The following HMCN1 variants were observed in gnomAD, a reference collection of about 807,000 sequenced individuals.
HMCN1 encodes hemicentin 1.
Under a neutral mutation model 625.9 loss-of-function variants are expected in HMCN1, and 321 were observed. The observed-to-expected ratio is 0.51, with a 90% CI of 0.47 to 0.56. The LOEUF (loss-of-function observed/expected upper bound fraction) is 0.56, where lower values mean the gene tolerates loss of function less well. Among genes scored for constraint, HMCN1 ranks in the 20% least tolerant of loss-of-function variants. The pLI is 0.00. For missense variants in HMCN1, 6,588 were observed against 6,887.3 expected, an observed-to-expected ratio of 0.96 and a Z score of 1.54; for synonymous variants, 2,425 against 2,417.6, an observed-to-expected ratio of 1.00 and a Z score of -0.09.
intron 4 of HMCN1, among the ~76,000 whole-genome samples, chr1:185,876,168 G>A (rs1663916903): frequency 6.6e-6 from 1 of 152,008 alleles, no homozygotes; most frequent in Non-Finnish European, 1.5e-5. Flanking sequence ...TGCAGTGTTT[G>A]ATTTTCTGTT....
At chr1:185,870,613 A>C (rs1426658936) in intron 4 of HMCN1, among the ~76,000 whole-genome samples, 3 of 152,208 alleles carry the variant, frequency 2.0e-5, no homozygotes, top group South Asian at 4.2e-4. Flanking sequence ...GGGGTTCATG[A>C]GATGTTTTGA....
chr1:186,151,143 A>C, intron 93 of HMCN1, 57 bp from the exon 94 acceptor site: 1 of 1,571,674 alleles, frequency 6.4e-7, no homozygotes, highest in Non-Finnish European at 8.7e-7. Context: ...CTTTTCTCCC[A>C]TGTAATGTTG....
chr1:186,118,844 C>G (rs1297432901), intron 77 of HMCN1, among the ~76,000 whole-genome samples: 1 of 152,130 alleles, frequency 6.6e-6, no homozygotes, highest in Admixed American at 6.6e-5. Flanking sequence ...TGGGCTAAGG[C>G]CAGGGTTGTG....
chr1:186,120,178 A>C, intron 80 of HMCN1, 33 bp downstream of exon 80: 1 of 1,608,022 alleles, frequency 6.2e-7, no homozygotes, highest in Non-Finnish European at 8.5e-7. Flanking sequence ...TTTTCAATTC[A>C]AAGATGTTTG....
At chr1:185,830,639 C>A (rs563834254) in intron 1 of HMCN1, among the ~76,000 whole-genome samples, 1 of 152,104 alleles carries the variant, frequency 6.6e-6, no homozygotes, top group Non-Finnish European at 1.5e-5. Flanking sequence ...TTTGTGTAAC[C>A]CCAGCACTTT....
At chr1:185,854,546 C>T (rs1034140297) in intron 2 of HMCN1, among the ~76,000 whole-genome samples, 13 of 152,112 alleles carry the variant, frequency 8.5e-5, no homozygotes, top group African/African-American at 3.1e-4. Context: ...CTTTGGCAGG[C>T]ATATTACATT....
intron 1 of HMCN1, among the ~76,000 whole-genome samples, chr1:185,805,237 AAGTAC>A (rs1306160332): frequency 6.6e-6 from 1 of 152,194 alleles, no homozygotes; most frequent in East Asian, 1.9e-4. Context: ...TCACAGTTAT[AAGTAC>A]AGTAGAATTT....
chr1:185,986,670 T>C (rs1652015415), intron 19 of HMCN1, among the ~76,000 whole-genome samples: 1 of 151,900 alleles, frequency 6.6e-6, no homozygotes, highest in Non-Finnish European at 1.5e-5. Flanking sequence ...CTGAAAAATA[T>C]TGACTTAGAA....
At chr1:186,105,222 A>G (rs765495575) in intron 69 of HMCN1, among the ~76,000 whole-genome samples, 1 of 152,200 alleles carries the variant, frequency 6.6e-6, no homozygotes, top group African/African-American at 2.4e-5. Context: ...ATACAATTAG[A>G]TATGAGTCAA....
Position 186,136,680 on chromosome 1 carries a change from T to C in HMCN1, c.13325T>C (p.Ile4442Thr), listed in dbSNP as rs1208551954. The C allele has an allele frequency of 6.2e-7, 1 of 1,613,918 alleles. No homozygotes were observed. Among genetic ancestry groups the C allele is most frequent in the Non-Finnish European group, 8.5e-7 (1 of 1,179,862 alleles). Residue 4442 changes from isoleucine to threonine, a missense_variant, in exon 87 of 107, where the codon ATC (isoleucine) becomes ACC (threonine). By Grantham distance (89) the Ile-to-Thr change is moderately conservative. Around this residue, in one of 3 missense-constraint regions of HMCN1, gnomAD observed 1,954 missense variants for 2,013.1 expected, o/e 0.97. Transcript: ENST00000271588. ...CTTTTTTCCGTAGGTCCTCCTATTA[T>C]CACTCTTGAGCCAGTGGAAACTGTT... ...MSLTLQSPPI[I>T]TLEPVETVIN... is the part of the protein sequence containing the mutation.
In HMCN1 at chr1:186,076,554, C is replaced by A; in HGVS notation, c.8417C>A (p.Pro2806His). The A allele has an allele frequency of 6.2e-7, 1 of 1,613,846 alleles. No homozygotes were observed. The highest frequency in any genetic ancestry group is 8.5e-7 in the Non-Finnish European group (1 of 1,179,822). The change falls in exon 54 of 107, where the codon CCT becomes CAT. Residue 2806 changes from proline (P) to histidine (H), a missense_variant. By Grantham distance (77) the Pro-to-His change is moderately conservative. Around this residue, in one of 3 missense-constraint regions of HMCN1, gnomAD observed 4,628 missense variants for 4,853.1 expected, o/e 0.95. Transcript: ENST00000271588. ...SLYCETNAAPPPTLTWYKDGH... is the reference protein window; with the variant it reads ...SLYCETNAAPHPTLTWYKDGH... The stretch of plus-strand genomic sequence containing the variant: ...TACTGTGAGACAAATGCTGCTCCCC[C>A]TCCTACACTGACATGGTACAAAGAT...
intron 2 of HMCN1, among the ~76,000 whole-genome samples, chr1:185,859,948 G>A (rs1662759334): frequency 6.6e-6 from 1 of 152,080 alleles, no homozygotes; most frequent in African/African-American, 2.4e-5. Context: ...TGGGATGACA[G>A]GTGTGAGCCA....
At chr1:185,771,141 G>A (rs766191943) in intron 1 of HMCN1, among the ~76,000 whole-genome samples, 8 of 152,160 alleles carry the variant, frequency 5.3e-5, no homozygotes, top group Non-Finnish European at 8.8e-5. Flanking sequence ...ATGTTTAAGA[G>A]ATTGGTTTTA....
intron 1 of HMCN1, among the ~76,000 whole-genome samples, chr1:185,801,762 A>G (rs1214540609): frequency 6.6e-6 from 1 of 152,188 alleles, no homozygotes; most frequent in Non-Finnish European, 1.5e-5. Context: ...AAAGTGTGCA[A>G]GGCAAGTAAG....
chr1:186,145,909 T>G lies in HMCN1; in HGVS notation c.14594T>G (p.Val4865Gly). The change falls in exon 93 of 107, where the codon GTA (valine) becomes GGA (glycine). Residue 4865 changes from valine to glycine, a missense_variant. Coordinates refer to ENST00000271588, the MANE Select transcript of HMCN1 (RefSeq NM_031935.3). ...GDTTQVTRCN[V>G]QACPGGPQRA... ...ACTACTCAGGTGACCAGGTGCAATG[T>G]ACAAGCATGTCCAGGTAAGCAACTA... The G allele has an allele frequency of 6.2e-7, 1 of 1,613,890 alleles. No individual in the cohort carries two copies. The highest frequency in any genetic ancestry group is 8.5e-7 in the Non-Finnish European group (1 of 1,179,974).
At chr1:185,986,877 A>T (rs551814882) in intron 19 of HMCN1, among the ~76,000 whole-genome samples, 2 of 150,848 alleles carry the variant, frequency 1.3e-5, no homozygotes, top group South Asian at 2.1e-4. Flanking sequence ...TAAATAAAAT[A>T]AAAAAACTCT....
chr1:185,981,007 A>G lies in HMCN1; in HGVS notation c.2596A>G (p.Ile866Val). Residue 866 changes from isoleucine (I) to valine (V), a missense_variant, in exon 17 of 107, where the codon ATT becomes GTT. This residue lies in a region of HMCN1 where 4,628 missense variants were observed against 4,853.1 expected (regional missense o/e 0.95). Coordinates refer to ENST00000271588, the MANE Select transcript of HMCN1 (RefSeq NM_031935.3). ...NLWASDKGTY[I>V]CEAENQFGKI... ...ATGGGCAAGTGATAAAGGAACCTAT[A>G]TTTGTGAAGCTGAAAACCAGTTTGG... The G allele has an allele frequency of 6.2e-7, 1 of 1,611,250 alleles. No homozygotes were observed. Among genetic ancestry groups the G allele is most frequent in the Non-Finnish European group, 8.5e-7 (1 of 1,177,458 alleles).
chr1:185,896,157 C>T (rs1044744631), intron 4 of HMCN1, among the ~76,000 whole-genome samples: 1 of 152,028 alleles, frequency 6.6e-6, no homozygotes, highest in Non-Finnish European at 1.5e-5. Context: ...AGGATGGTCT[C>T]GATCTCCTGA....
intron 2 of HMCN1, among the ~76,000 whole-genome samples, chr1:185,853,948 A>G (rs1662311860): frequency 6.6e-6 from 1 of 152,212 alleles, no homozygotes; most frequent in Admixed American, 6.5e-5. Flanking sequence ...TTTAAGAGAA[A>G]GAATACACTA....
Sources: gnomAD v4.1 joint callset for allele counts (sites outside exome capture counted in the v4.1 genomes callset) on GRCh38, gnomAD v4.1.1 for gene constraint, gnomAD v4.1.1 regional missense constraint, MANE v1.5 for transcripts, NCBI Gene and HGNC (gene_info 2026-07-23, HGNC 2026-07-21) for gene names.